The following NBEA variants were observed in gnomAD, a reference collection of about 807,000 sequenced individuals.
NBEA encodes the protein neurobeachin, also known as lysosomal-trafficking regulator 2.
NBEA carries 44 observed loss-of-function variants against 343.4 expected under a neutral mutation model. The ratio of observed to expected loss-of-function variants is 0.13; its 90% CI spans 0.10 to 0.16. NBEA has a LOEUF of 0.16. NBEA is among the 10% of genes least tolerant of loss of function. The pLI is 1.00. For missense variants in NBEA, 2,555 were observed against 3,631.3 expected (o/e 0.70, Z 7.62); for synonymous variants, 1,175 against 1,238.7 (o/e 0.95, Z 1.08).
At position 35,164,323 on chromosome 13, in the gene NBEA, A is replaced by G. The variant is rs775428681; in HGVS notation, c.4080-33A>G. ...TCTAAGCTTTTCATTTAAGTAAGCC[A>G]AAACATACTCATTTCTGTTTTCTGT... is the stretch of plus-strand genomic sequence containing the variant. On this transcript the variant is annotated intron_variant, in intron 23 of 58. Transcript: ENST00000379939. 9.7e-6 allele frequency: 15 copies of G among 1,541,980 alleles called. No homozygotes were observed. In the South Asian group the frequency reaches 1.5e-4, roughly 15 times the overall value.
At chr13:35,436,707 C>T (rs75904232) in intron 39 of NBEA, among the ~76,000 whole-genome samples, 1 of 80,400 alleles carries the variant, frequency 1.2e-5, no homozygotes, top group Admixed American at 1.4e-4. Context: ...GACTCCGTCT[C>T]AAAAAAAAAA....
At chr13:35,361,540 C>A (rs375334902) in intron 38 of NBEA, among the ~76,000 whole-genome samples, 43 of 152,034 alleles carry the variant, frequency 2.8e-4, no homozygotes, top group African/African-American at 1.0e-3. Context: ...AAACTTAACT[C>A]CAAATTGACC....
chr13:35,325,929 T>C (rs1441645215), intron 36 of NBEA, among the ~76,000 whole-genome samples: 5 of 152,098 alleles, frequency 3.3e-5, no homozygotes, highest in African/African-American at 1.2e-4. Context: ...TCTCCATTGC[T>C]TATTGTTGTC....
intron 34 of NBEA, among the ~76,000 whole-genome samples, chr13:35,274,068 A>G (rs974237612): frequency 1.3e-5 from 2 of 152,198 alleles, no homozygotes; most frequent in African/African-American, 4.8e-5. Flanking sequence ...ACAAAAAAAG[A>G]ATTTTAGACC....
At chr13:35,432,430 G>A (rs754693926) in intron 39 of NBEA, 37 bp downstream of exon 39, 42 of 1,520,558 alleles carry the variant, frequency 2.8e-5, no homozygotes, top group Non-Finnish European at 3.5e-5. Context: ...AATACTTCTG[G>A]ATGTGAGGTG....
intron 27 of NBEA, among the ~76,000 whole-genome samples, chr13:35,176,067 G>T (rs1309007432): frequency 6.6e-6 from 1 of 152,056 alleles, no homozygotes; most frequent in East Asian, 1.9e-4. Context: ...AGATGATGTA[G>T]CTGAAGTTCA....
intron 1 of NBEA, among the ~76,000 whole-genome samples, chr13:34,949,971 T>C (rs1202255835): frequency 1.3e-5 from 2 of 152,172 alleles, no homozygotes; most frequent in African/African-American, 4.8e-5. Context: ...CTGAGATGGG[T>C]GGGTAGCCAA....
intron 41 of NBEA, among the ~76,000 whole-genome samples, chr13:35,537,409 G>A (rs2078611835): frequency 6.6e-6 from 1 of 151,934 alleles, no homozygotes; most frequent in South Asian, 2.1e-4. Flanking sequence ...ATTTTTTACT[G>A]AGTTTCGACA....
intron 1 of NBEA, among the ~76,000 whole-genome samples, chr13:35,019,321 A>G (rs1328302381): frequency 2.7e-5 from 4 of 149,584 alleles, no homozygotes. Context: ...TTTTTGAGAC[A>G]GAGTCTCACT....
At chr13:35,199,582 A>G (rs1004530882) in intron 31 of NBEA, among the ~76,000 whole-genome samples, 4 of 152,158 alleles carry the variant, frequency 2.6e-5, no homozygotes, top group African/African-American at 9.6e-5. Flanking sequence ...TATTGCAGAC[A>G]TGCTAACAAT....
chr13:35,143,414 C>G (rs2068206096), intron 18 of NBEA, among the ~76,000 whole-genome samples: 1 of 152,180 alleles, frequency 6.6e-6, no homozygotes, highest in Non-Finnish European at 1.5e-5. Flanking sequence ...GCATACCCAT[C>G]ATGTCAAAAC....
intron 38 of NBEA, among the ~76,000 whole-genome samples, chr13:35,400,197 A>T (rs1260458455): frequency 2.9e-4 from 1 of 3,432 alleles, no homozygotes; most frequent in Non-Finnish European, 1.1e-3. Context: ...TTCAATTTGT[A>T]AAAAAAAAAA....
chr13:35,504,221 C>A (rs1401229731), intron 41 of NBEA, among the ~76,000 whole-genome samples: 2 of 152,112 alleles, frequency 1.3e-5, no homozygotes, highest in Admixed American at 1.3e-4. Context: ...ATTGAAGTTA[C>A]AAACAACAAA....
chr13:35,089,269 C>T (rs1459850201), intron 10 of NBEA, among the ~76,000 whole-genome samples: 1 of 141,958 alleles, frequency 7.0e-6, no homozygotes, highest in African/African-American at 2.6e-5. Context: ...AGACACTTCT[C>T]AAAAGAAGAC....
chr13:35,507,986 TTAAG>T (rs1226845696), intron 41 of NBEA, among the ~76,000 whole-genome samples: 1 of 152,198 alleles, frequency 6.6e-6, no homozygotes, highest in African/African-American at 2.4e-5. Flanking sequence ...TCTAAAATAA[TTAAG>T]TGACTATCAC....
At chr13:35,434,903 T>C (rs1450007734) in intron 39 of NBEA, among the ~76,000 whole-genome samples, 1 of 152,176 alleles carries the variant, frequency 6.6e-6, no homozygotes, top group East Asian at 1.9e-4. Flanking sequence ...GTTGAAAAAC[T>C]TAATTCAAAA....
intron 17 of NBEA, 71 bp downstream of exon 17, chr13:35,123,645 T>A: frequency 1.1e-6 from 1 of 911,660 alleles, no homozygotes. Context: ...GTTTTCTATG[T>A]AATGTAGCAT....
intron 40 of NBEA, among the ~76,000 whole-genome samples, chr13:35,464,128 A>C (rs543071856): frequency 1.1e-4 from 17 of 152,298 alleles, no homozygotes; most frequent in Middle Eastern, 3.4e-3. Flanking sequence ...CTAGAAAAAA[A>C]AATCCGTATA....
chr13:35,139,507 G>A (rs868251608), intron 17 of NBEA, among the ~76,000 whole-genome samples: 1 of 152,014 alleles, frequency 6.6e-6, no homozygotes, highest in African/African-American at 2.4e-5. Context: ...TTACACTGTC[G>A]ATCCATGTGG....
Sources: gnomAD v4.1 joint callset for allele counts (sites outside exome capture counted in the v4.1 genomes callset) on GRCh38, gnomAD v4.1.1 for gene constraint, MANE v1.5 for transcripts, NCBI Gene and HGNC (gene_info 2026-07-23, HGNC 2026-07-21) for gene names.